The following CSMD1 variants were observed in gnomAD, a reference collection of about 807,000 sequenced individuals.
The protein encoded by CSMD1 is CUB and sushi domain-containing protein 1.
CSMD1 carries 213 observed loss-of-function variants against 417.5 expected under a neutral mutation model. That is an observed-to-expected ratio of 0.51 (90% CI 0.46 to 0.57). The LOEUF (loss-of-function observed/expected upper bound fraction) is 0.57. Among genes scored for constraint, CSMD1 ranks in the 20% least tolerant of loss-of-function variants. The pLI, the probability that CSMD1 is intolerant of heterozygous loss-of-function variation, is 0.00. For missense variants in CSMD1, 6,923 were observed against 4,529.7 expected, an observed-to-expected ratio of 1.53 and a Z score of -15.17; for synonymous variants, 2,862 against 1,736.8, an observed-to-expected ratio of 1.65 and a Z score of -16.11.
intron 10 of CSMD1, among the ~76,000 whole-genome samples, chr8:3,538,946 C>T (rs1416001949): frequency 6.6e-6 from 1 of 152,166 alleles, no homozygotes; most frequent in African/African-American, 2.4e-5. Flanking sequence ...TGTGAGACCC[C>T]AATGTCATCA....
intron 50 of CSMD1, among the ~76,000 whole-genome samples, chr8:3,047,672 A>C (rs934825877): frequency 2.0e-4 from 31 of 152,320 alleles, no homozygotes; most frequent in African/African-American, 7.2e-4. Context: ...CCAACGACTT[A>C]AAACCTACAT....
chr8:4,246,015 T>G (rs1802687953), intron 3 of CSMD1, among the ~76,000 whole-genome samples: 1 of 152,154 alleles, frequency 6.6e-6, no homozygotes. Flanking sequence ...GGTCAGTTAT[T>G]TGTTGTTGTT....
At chr8:3,708,031 T>C (rs988840340) in intron 7 of CSMD1, among the ~76,000 whole-genome samples, 2 of 152,180 alleles carry the variant, frequency 1.3e-5, no homozygotes, top group South Asian at 2.1e-4. Flanking sequence ...AATATTTCAA[T>C]AGACAAAAGA....
At chr8:4,661,707 C>T (rs1338149929) in intron 1 of CSMD1, among the ~76,000 whole-genome samples, 1 of 151,996 alleles carries the variant, frequency 6.6e-6, no homozygotes, top group Non-Finnish European at 1.5e-5. Flanking sequence ...AAAAAAGTCC[C>T]AAAATAAAAA....
chr8:3,624,770 T>G (rs1444675636), intron 7 of CSMD1, among the ~76,000 whole-genome samples: 4 of 152,218 alleles, frequency 2.6e-5, no homozygotes, highest in Non-Finnish European at 5.9e-5. Context: ...TTACTCAGTT[T>G]GAAATATGTC....
At chr8:4,423,241 G>T (rs112001728) in intron 2 of CSMD1, among the ~76,000 whole-genome samples, 1 of 151,974 alleles carries the variant, frequency 6.6e-6, no homozygotes, top group Non-Finnish European at 1.5e-5. Flanking sequence ...AAATATATGC[G>T]TATGGGTCAG....
At chr8:3,918,646 T>G (rs964482589) in intron 5 of CSMD1, among the ~76,000 whole-genome samples, 1 of 151,798 alleles carries the variant, frequency 6.6e-6, no homozygotes, top group African/African-American at 2.4e-5. Context: ...CAAAAACGAG[T>G]GGATAAAGAA....
In CSMD1 at chr8:3,978,820, C is replaced by T. The variant is rs917283316; in HGVS notation, c.818+19083G>A. Among the ~76,000 whole-genome samples the T allele has an allele frequency of 3.3e-5, 5 of 152,192 alleles. No individual in the cohort carries two copies. The South Asian group carries it at 8.3e-4, about 25-fold the overall frequency. On this transcript the variant is annotated intron_variant, in intron 5 of 69. Transcript: ENST00000635120. ...CCTTTCCGGAGACATCGGTGATTTACTGAGGTCTCGTCTCCTCTTGATCCC... is the reference window on the plus strand; with the variant it reads ...CCTTTCCGGAGACATCGGTGATTTATTGAGGTCTCGTCTCCTCTTGATCCC...
intron 4 of CSMD1, among the ~76,000 whole-genome samples, chr8:4,030,845 G>A (rs556917006): frequency 6.6e-6 from 1 of 152,160 alleles, no homozygotes; most frequent in South Asian, 2.1e-4. Flanking sequence ...ATGCTTTGCT[G>A]CTTAGAAATT....
intron 3 of CSMD1, among the ~76,000 whole-genome samples, chr8:4,234,572 G>A (rs1291739280): frequency 2.6e-5 from 4 of 152,150 alleles, no homozygotes; most frequent in Middle Eastern, 6.8e-3. Context: ...GTACAATTCT[G>A]CGCTGCTTTT....
intron 49 of CSMD1, among the ~76,000 whole-genome samples, chr8:3,066,961 G>T (rs1812974837): frequency 6.6e-6 from 1 of 152,094 alleles, no homozygotes; most frequent in African/African-American, 2.4e-5. Context: ...TAATTAAATT[G>T]CTAATAAAGA....
At chr8:3,004,206 G>A (rs1308423014) in intron 52 of CSMD1, among the ~76,000 whole-genome samples, 1 of 152,148 alleles carries the variant, frequency 6.6e-6, no homozygotes, top group Non-Finnish European at 1.5e-5. Context: ...TGATGCCAGA[G>A]CCCAGAGGCT....
At chr8:4,272,195 A>G (rs543184875) in intron 3 of CSMD1, among the ~76,000 whole-genome samples, 1 of 152,276 alleles carries the variant, frequency 6.6e-6, no homozygotes, top group South Asian at 2.1e-4. Context: ...GTATGACCTT[A>G]ATAGGTATAG....
chr8:4,233,138 C>A (rs1393091295), intron 3 of CSMD1, among the ~76,000 whole-genome samples: 1 of 152,202 alleles, frequency 6.6e-6, no homozygotes, highest in African/African-American at 2.4e-5. Flanking sequence ...AACGTTCCAG[C>A]TTCAAGAACA....
At chr8:4,125,108 G>C (rs1190322600) in intron 3 of CSMD1, among the ~76,000 whole-genome samples, 1 of 100,468 alleles carries the variant, frequency 1.0e-5, no homozygotes, top group African/African-American at 3.8e-5. Context: ...GTGAGACCAG[G>C]AACACTTCCA....
At chr8:4,704,774 A>G (rs2116835026) in intron 1 of CSMD1, among the ~76,000 whole-genome samples, 1 of 152,288 alleles carries the variant, frequency 6.6e-6, no homozygotes, top group East Asian at 1.9e-4. Flanking sequence ...GGCAGGAGAA[A>G]GGGAGTGGCA....
intron 3 of CSMD1, among the ~76,000 whole-genome samples, chr8:4,286,260 A>G (rs1797050115): frequency 1.3e-5 from 2 of 151,998 alleles, no homozygotes; most frequent in East Asian, 1.9e-4. Context: ...CATGCTCTCC[A>G]TGTCTCACTT....
At chr8:3,462,472 G>A (rs944775381) in intron 12 of CSMD1, among the ~76,000 whole-genome samples, 2 of 152,124 alleles carry the variant, frequency 1.3e-5, no homozygotes, top group African/African-American at 4.8e-5. Flanking sequence ...ATTCTCCTAG[G>A]AGTGTGAACC....
chr8:3,481,473 G>A (rs983712506), intron 11 of CSMD1, among the ~76,000 whole-genome samples: 2 of 152,152 alleles, frequency 1.3e-5, no homozygotes, highest in African/African-American at 4.8e-5. Context: ...GGTGGTAAAT[G>A]TTCGCATTAG....
Sources: allele counts gnomAD v4.1 joint callset (sites outside exome capture counted in the v4.1 genomes callset), GRCh38; gene constraint gnomAD v4.1.1; transcripts MANE v1.5; gene names NCBI Gene and HGNC (gene_info 2026-07-23, HGNC 2026-07-21).